DNMBP: variants seen among roughly 807,000 people sequenced by gnomAD.
The protein encoded by DNMBP is dynamin-binding protein.
A neutral mutation model predicts 150.0 loss-of-function variants in DNMBP; 87 were observed. The ratio of observed to expected loss-of-function variants is 0.58; its 90% CI spans 0.49 to 0.69. The LOEUF (loss-of-function observed/expected upper bound fraction) is 0.69. DNMBP is among the 30% of genes least tolerant of loss of function. The probability of loss-of-function intolerance (pLI) is 0.00; values close to 1 mark genes in which losing one functional copy is unlikely to be tolerated. For synonymous variants in DNMBP, 711 were observed against 750.4 expected (o/e 0.95, Z 0.86); for missense variants, 1,774 against 1,949.0 (o/e 0.91, Z 1.69).
intron 14 of DNMBP, among the ~76,000 whole-genome samples, chr10:99,884,413 A>G (rs966086140): frequency 2.4e-4 from 37 of 152,340 alleles, no homozygotes; most frequent in African/African-American, 7.7e-4. Flanking sequence ...TGATGCCTTT[A>G]TAGTTAAGAA....
intron 4 of DNMBP, among the ~76,000 whole-genome samples, chr10:99,917,861 C>T (rs1009031353): frequency 2.0e-5 from 3 of 150,732 alleles, no homozygotes; most frequent in African/African-American, 7.3e-5. Flanking sequence ...CCCAGCTACT[C>T]AGGAGGCTGA....
At chr10:99,959,636 G>A (rs2040539972) in intron 3 of DNMBP, among the ~76,000 whole-genome samples, 1 of 151,884 alleles carries the variant, frequency 6.6e-6, no homozygotes, top group African/African-American at 2.4e-5. Flanking sequence ...AAGGATTGCT[G>A]GAGCAGAAGA....
intron 1 of DNMBP, among the ~76,000 whole-genome samples, chr10:100,008,910 C>G (rs1348252575): frequency 1.3e-5 from 2 of 152,216 alleles, no homozygotes; most frequent in Non-Finnish European, 2.9e-5. Context: ...TGTAAACAAG[C>G]AGAGCTAGAC....
intron 1 of DNMBP, among the ~76,000 whole-genome samples, chr10:99,986,006 C>T (rs956986838): frequency 5.3e-5 from 8 of 152,144 alleles, no homozygotes; most frequent in Non-Finnish European, 1.2e-4. Flanking sequence ...CTGCCTCGCC[C>T]TCTTGAAGTG....
intron 14 of DNMBP, among the ~76,000 whole-genome samples, chr10:99,885,442 C>T (rs774766743): frequency 2.8e-4 from 43 of 152,000 alleles, no homozygotes; most frequent in Non-Finnish European, 5.1e-4. Flanking sequence ...ACCCAGAAGG[C>T]GCAGGTTGTA....
intron 1 of DNMBP, among the ~76,000 whole-genome samples, chr10:99,999,069 C>T (rs1305049494): frequency 2.0e-5 from 3 of 152,168 alleles, no homozygotes; most frequent in Non-Finnish European, 4.4e-5. Flanking sequence ...GAGAGGGGCT[C>T]CCTGAGCAGT....
chr10:99,955,244 T>C lies in DNMBP; in HGVS notation c.2230A>G (p.Ser744Gly), dbSNP rs2040470868. 3 of 1,613,890 alleles carry C rather than the reference T, an allele frequency of 1.9e-6. No homozygotes were observed. Among genetic ancestry groups the C allele is most frequent in the Non-Finnish European group, 2.5e-6 (3 of 1,179,926 alleles). The change falls in exon 4 of 17, where the codon AGT (serine) becomes GGT (glycine). Residue 744 changes from serine to glycine, a missense_variant. By Grantham distance (56) the Ser-to-Gly change is moderately conservative (BLOSUM62 0). This residue lies in a region of DNMBP where 1,430 missense variants were observed against 1,492.5 expected (regional missense o/e 0.96). Coordinates refer to ENST00000324109, the MANE Select transcript of DNMBP (RefSeq NM_015221.4). ...DLKFCESNIE[S>G]LNMELQQLRE... Reference sequence around the variant, plus strand: ...AGTTGCTGGAGTTCCATATTCAAACTTTCAATGTTACTTTCACAGAACTTG... The same window carrying C: ...AGTTGCTGGAGTTCCATATTCAAACCTTCAATGTTACTTTCACAGAACTTG...
chr10:99,917,100 A>G (rs1453840570), intron 4 of DNMBP, among the ~76,000 whole-genome samples: 1 of 152,224 alleles, frequency 6.6e-6, no homozygotes, highest in Admixed American at 6.5e-5. Context: ...GCTCACACCT[A>G]TAATTCCAGA....
Position 99,955,827 on chromosome 10 carries a change from G to A in DNMBP, c.1647C>T (p.Asp549=). ...HSQGDGSTDL[D]SKLTQQLIEF... ...CGATCAGCTGTTGTGTCAGCTTCGA[G>A]TCCAGGTCAGTGCTGCCGTCTCCCT... The change falls in exon 4 of 17, where the codon GAC becomes GAT. Residue 549 remains aspartate (D), a synonymous_variant. Transcript: ENST00000324109. The A allele has an allele frequency of 1.2e-6, 2 of 1,614,256 alleles. No individual in the cohort carries two copies. The highest frequency in any genetic ancestry group is 1.7e-6 in the Non-Finnish European group (2 of 1,180,044).
At chr10:99,882,095 C>A (rs778301117) in intron 15 of DNMBP, among the ~76,000 whole-genome samples, 3 of 152,000 alleles carry the variant, frequency 2.0e-5, no homozygotes, top group Non-Finnish European at 2.9e-5. Flanking sequence ...CTGGAGGACA[C>A]GTTAAGTGAA....
intron 11 of DNMBP, among the ~76,000 whole-genome samples, chr10:99,892,739 C>G (rs1046385490): frequency 6.7e-6 from 1 of 150,258 alleles, no homozygotes; most frequent in Non-Finnish European, 1.5e-5. Context: ...GTGAGAAACA[C>G]CCAAGAATTA....
chr10:99,998,610 AC>A (rs2040978814), intron 1 of DNMBP, among the ~76,000 whole-genome samples: 1 of 151,846 alleles, frequency 6.6e-6, no homozygotes, highest in African/African-American at 2.4e-5. Flanking sequence ...AAACACATTA[AC>A]TAAATACAAT....
intron 4 of DNMBP, among the ~76,000 whole-genome samples, chr10:99,923,020 G>A (rs750163715): frequency 2.0e-5 from 3 of 152,234 alleles, no homozygotes; most frequent in South Asian, 2.1e-4. Flanking sequence ...TTGGGAGGCC[G>A]AGTCAGGCAG....
In DNMBP at chr10:99,884,226, T is replaced by C. The variant is rs1455616941; in HGVS notation, c.3799-17A>G. Reference sequence around the variant, plus strand: ...GTAACTTGGCTGAAAGGTAAGACGTTAACAAAAATCTCTCAGTGGCCACTA... The same window carrying C: ...GTAACTTGGCTGAAAGGTAAGACGTCAACAAAAATCTCTCAGTGGCCACTA... On this transcript the variant is annotated splice_polypyrimidine_tract_variant and intron_variant, in intron 14 of 16. Transcript: ENST00000324109. The C allele has an allele frequency of 6.2e-7, 1 of 1,603,060 alleles. No homozygotes were observed. Among genetic ancestry groups the C allele is most frequent in the Non-Finnish European group, 8.5e-7 (1 of 1,172,724 alleles).
chr10:99,988,702 C>A (rs946182865), intron 1 of DNMBP, among the ~76,000 whole-genome samples: 1 of 152,096 alleles, frequency 6.6e-6, no homozygotes, highest in African/African-American at 2.4e-5. Context: ...TGCTCTGTCA[C>A]CCAGGCTGGA....
intron 4 of DNMBP, among the ~76,000 whole-genome samples, chr10:99,909,449 G>A (rs1435162288): frequency 6.6e-6 from 1 of 152,176 alleles, no homozygotes; most frequent in Non-Finnish European, 1.5e-5. Context: ...GGTTAGAGGG[G>A]TCTGACCTTA....
intron 4 of DNMBP, among the ~76,000 whole-genome samples, chr10:99,952,332 G>A (rs2040433518): frequency 6.6e-6 from 1 of 152,208 alleles, no homozygotes; most frequent in Non-Finnish European, 1.5e-5. Context: ...TGTAGGTATA[G>A]AAAGTGATGG....
In DNMBP at chr10:99,879,822, C is replaced by A; in HGVS notation, c.4537G>T (p.Glu1513Ter). ...TCTTACGCACTCACCTGGTTGCCTT[C>A]TGCCTCACTGCCATCTGGCTCTGTA... ...RSTEPDGSEA[E>*]GNQVYFAVYT... The change falls in exon 16 of 17, where the codon GAA becomes TAA. Residue 1513 changes from glutamate to a stop codon, truncating the protein, a stop_gained. Transcript: ENST00000324109. LOFTEE classifies it high-confidence loss of function. 1 of 1,614,076 alleles carries A rather than the reference C, an allele frequency of 6.2e-7. No homozygotes were observed. The highest frequency in any genetic ancestry group is 8.5e-7 in the Non-Finnish European group (1 of 1,179,898).
At chr10:99,907,401 T>G (rs2039840030) in intron 6 of DNMBP, among the ~76,000 whole-genome samples, 3 of 151,134 alleles carry the variant, frequency 2.0e-5, no homozygotes, top group African/African-American at 7.3e-5. Flanking sequence ...TTTCTTTTGT[T>G]TTTTTTTTTC....
Sources: allele counts gnomAD v4.1 joint callset (sites outside exome capture counted in the v4.1 genomes callset), GRCh38; gene constraint gnomAD v4.1.1; regional missense constraint gnomAD v4.1.1; transcripts MANE v1.5; gene names NCBI Gene and HGNC (gene_info 2026-07-23, HGNC 2026-07-21).